The following EHD1 variants were observed in gnomAD, a reference collection of about 807,000 sequenced individuals.
EHD1 encodes the protein EH domain-containing protein 1.
Under a neutral mutation model 39.0 loss-of-function variants are expected in EHD1, and 19 were observed. That is an observed-to-expected ratio of 0.49 (90% CI 0.34 to 0.72). The LOEUF (loss-of-function observed/expected upper bound fraction) is 0.72. EHD1 is among the 30% of genes least tolerant of loss of function. The pLI is 0.01. For missense variants in EHD1, 542 were observed against 751.5 expected, an observed-to-expected ratio of 0.72 and a Z score of 3.26; for synonymous variants, 323 against 331.2, an observed-to-expected ratio of 0.98 and a Z score of 0.27.
intron 2 of EHD1, among the ~76,000 whole-genome samples, chr11:64,870,022 C>T (rs1443374586): frequency 3.9e-5 from 6 of 152,174 alleles, no homozygotes; most frequent in African/African-American, 7.2e-5. Context: ...AGAGGGCAAA[C>T]GAGAGCCCAG....
chr11:64,871,173 CAT>C (rs1294313355), intron 2 of EHD1, among the ~76,000 whole-genome samples: 2 of 152,230 alleles, frequency 1.3e-5, no homozygotes, highest in Non-Finnish European at 2.9e-5. Flanking sequence ...TCCACAAGGA[CAT>C]GTTTCCAGGG....
intron 3 of EHD1, chr11:64,859,681 A>G: frequency 1.9e-6 from 1 of 538,586 alleles, no homozygotes; most frequent in Admixed American, 3.4e-5. Flanking sequence ...CTGAAAGTAG[A>G]TGGGGTATAA....
At chr11:64,872,597 T>TC (rs1407952783) in intron 2 of EHD1, among the ~76,000 whole-genome samples, 4 of 94,658 alleles carry the variant, frequency 4.2e-5, no homozygotes, top group African/African-American at 1.8e-4. Context: ...AGCCCTCGCT[T>TC]TTTTTTTTTT....
chr11:64,874,321 A>AT, intron 2 of EHD1, 100 bp downstream of exon 2: 35 of 997,482 alleles, frequency 3.5e-5, no homozygotes, highest in Non-Finnish European at 4.4e-5. Context: ...AAAAAAAAAA[A>AT]GGAGAAATCT....
rs1943627272 is a variant in EHD1 at position 64,854,676 on chromosome 11, G to A, written c.1262C>T (p.Pro421Leu). The A allele has an allele frequency of 6.2e-7, 1 of 1,613,794 alleles. No individual in the cohort carries two copies. The highest frequency in any genetic ancestry group is 8.5e-7 in the Non-Finnish European group (1 of 1,179,978). Reference sequence around the variant, plus strand: ...CCCCTCGCCGTAGCCGTGCCCGAACGGCCCGTTCATGGTGCCGTCAAAGGC... The same window carrying A: ...CCCCTCGCCGTAGCCGTGCCCGAACAGCCCGTTCATGGTGCCGTCAAAGGC... ...GGAFDGTMNG[P>L]FGHGYGEGAG... The change falls in exon 5 of 5, where the codon CCG (proline) becomes CTG (leucine). Residue 421 changes from proline (P) to leucine (L), a missense_variant. Coordinates refer to ENST00000320631, the MANE Select transcript of EHD1 (RefSeq NM_006795.4).
chr11:64,878,029 G>A (rs1047379757), intron 1 of EHD1, 32 bp downstream of exon 1: 27 of 1,480,484 alleles, frequency 1.8e-5, no homozygotes, highest in Non-Finnish European at 2.2e-5. Flanking sequence ...CCCCGGACGC[G>A]CCCCCCGCCC....
chr11:64,854,840 C>T lies in EHD1; in HGVS notation c.1098G>A (p.Gln366=). The change falls in exon 5 of 5, where the codon CAG becomes CAA. Residue 366 remains glutamine, a synonymous_variant. Transcript: ENST00000320631. ...LRKMQELLQT[Q]DFSKFQALKP... ...TCAGCGCCTGGAACTTGCTGAAGTC[C>T]TGGGTCTGCAGGAGTTCCTGTGGGC... 6.3e-7 allele frequency: 1 copy of T among 1,599,424 alleles called. No homozygotes were observed. The highest frequency in any genetic ancestry group is 8.5e-7 in the Non-Finnish European group (1 of 1,179,506).
At chr11:64,859,851 G>C (rs905003644) in intron 3 of EHD1, 73 bp downstream of exon 3, 3 of 1,532,106 alleles carry the variant, frequency 2.0e-6, no homozygotes, top group African/African-American at 2.8e-5. Context: ...GCAATCCTGG[G>C]GCCCTGAGTG....
intron 2 of EHD1, among the ~76,000 whole-genome samples, chr11:64,871,350 C>T (rs1341274592): frequency 6.6e-6 from 1 of 152,182 alleles, no homozygotes; most frequent in Non-Finnish European, 1.5e-5. Context: ...CGACCTCCTC[C>T]GCTGGACAGG....
chr11:64,871,219 C>T (rs1392465936), intron 2 of EHD1, among the ~76,000 whole-genome samples: 1 of 152,192 alleles, frequency 6.6e-6, no homozygotes, highest in Non-Finnish European at 1.5e-5. Context: ...GCGTGTTGTG[C>T]TGGGGCCCTG....
upstream of EHD1, chr11:64,878,699 G>C (rs1411411241): frequency 7.4e-7 from 1 of 1,354,324 alleles, no homozygotes; most frequent in East Asian, 2.9e-5. Flanking sequence ...CGGGGGCAGG[G>C]CGGAATTGGG....
chr11:64,871,051 A>G (rs909587130), intron 2 of EHD1, among the ~76,000 whole-genome samples: 3 of 152,068 alleles, frequency 2.0e-5, no homozygotes, highest in Admixed American at 6.6e-5. Context: ...TTTCCTGCAC[A>G]CATTAGGACC....
At chr11:64,858,941 G>A (rs1943683362) in intron 3 of EHD1, among the ~76,000 whole-genome samples, 1 of 152,178 alleles carries the variant, frequency 6.6e-6, no homozygotes, top group Non-Finnish European at 1.5e-5. Context: ...GCGTGACCTT[G>A]GCTTCCATGC....
At chr11:64,856,290 T>A (rs1221446660) in intron 3 of EHD1, 1 of 152,374 alleles carries the variant, frequency 6.6e-6, no homozygotes, top group African/African-American at 2.4e-5. Flanking sequence ...CACGTCCAAA[T>A]CCCTGCTGAG....
chr11:64,875,152 C>G (rs1398076914), intron 1 of EHD1, among the ~76,000 whole-genome samples: 2 of 152,180 alleles, frequency 1.3e-5, no homozygotes, highest in African/African-American at 4.8e-5. Flanking sequence ...CTCAGCCACG[C>G]ATATCTGAGT....
intron 2 of EHD1, among the ~76,000 whole-genome samples, chr11:64,864,601 A>C (rs1455672348): frequency 1.3e-5 from 2 of 152,214 alleles, no homozygotes. Context: ...AGCTCTGGGA[A>C]CGCAGGTCAG....
At chr11:64,874,233 G>A (rs1943861088) in intron 2 of EHD1, among the ~76,000 whole-genome samples, 188 bp downstream of exon 2, 2 of 150,818 alleles carry the variant, frequency 1.3e-5, no homozygotes, top group Non-Finnish European at 1.5e-5. Context: ...GAACCCAGGA[G>A]GCAGAGGTTG....
At chr11:64,864,866 C>T (rs1056677451) in intron 2 of EHD1, among the ~76,000 whole-genome samples, 3 of 152,162 alleles carry the variant, frequency 2.0e-5, no homozygotes, top group Non-Finnish European at 2.9e-5. Context: ...TCCCAAACTC[C>T]ACCCAGCAAG....
At chr11:64,858,767 T>C (rs3936999) in intron 3 of EHD1, among the ~76,000 whole-genome samples, 137,134 of 152,292 alleles carry the variant, frequency 0.9, 62,235 homozygotes, top group Non-Finnish European at 0.93. Context: ...CATTAACCTT[T>C]GTTTCCTGGC....
Sources: gnomAD v4.1 joint callset for allele counts (sites outside exome capture counted in the v4.1 genomes callset) on GRCh38, gnomAD v4.1.1 for gene constraint, MANE v1.5 for transcripts, NCBI Gene and HGNC (gene_info 2026-07-23, HGNC 2026-07-21) for gene names.